ADAM11: variants seen among roughly 807,000 people sequenced by gnomAD.
ADAM11 encodes disintegrin and metalloproteinase domain-containing protein 11.
ADAM11 carries 49 observed loss-of-function variants against 119.1 expected under a neutral mutation model. That is an observed-to-expected ratio of 0.41 (90% CI 0.33 to 0.52). ADAM11 has a LOEUF of 0.52. Among genes scored for constraint, ADAM11 ranks in the 20% least tolerant of loss-of-function variants. The pLI is 0.20. For missense variants in ADAM11, 777 were observed against 1,047.5 expected, an observed-to-expected ratio of 0.74 and a Z score of 3.56; for synonymous variants, 364 against 408.0, an observed-to-expected ratio of 0.89 and a Z score of 1.30.
chr17:44,777,882 G>T lies in ADAM11; in HGVS notation c.2070+19G>T. ...CCACGGGGTGACTGCCTGGAGCCTGGGATGGCGGGAGAAGCTTACAAGAGG... is the reference window on the plus strand; with the variant it reads ...CCACGGGGTGACTGCCTGGAGCCTGTGATGGCGGGAGAAGCTTACAAGAGG... On this transcript the variant is annotated intron_variant, in intron 23 of 26. Coordinates refer to ENST00000200557, the MANE Select transcript of ADAM11 (RefSeq NM_002390.6). The surrounding 1 kb of genome is among the most constrained non-coding windows in gnomAD (Gnocchi z 5.1). The T allele has an allele frequency of 6.2e-7, 1 of 1,613,532 alleles. No individual in the cohort carries two copies.
At chr17:44,763,513 G>A (rs1238400707) in intron 2 of ADAM11, among the ~76,000 whole-genome samples, 1 of 152,238 alleles carries the variant, frequency 6.6e-6, no homozygotes, top group Non-Finnish European at 1.5e-5. Flanking sequence ...GCCCAGAGAA[G>A]TGAGGGAGCT....
rs2049580689 is a variant in ADAM11, at chr17:44,775,109, C to A, written c.1221-103C>A. 1.0e-6 allele frequency: 1 copy of A among 992,486 alleles called. No homozygotes were observed. Among genetic ancestry groups the A allele is most frequent in the Non-Finnish European group, 1.6e-6 (1 of 644,142 alleles). 61.5% of individuals were successfully genotyped at this position (992,486 alleles called of 1,614,324 possible). A position where few individuals can be genotyped will look rare whatever the true frequency, so the allele number is the denominator to read the frequency against. The stretch of plus-strand genomic sequence containing the variant: ...CCGGGGCAGATCCTCCGCCTCCTCG[C>A]GATGGTGACGAAGTCCCCCAGTGTA... On this transcript the variant is annotated intron_variant, in intron 14 of 26. Coordinates refer to ENST00000200557, the MANE Select transcript of ADAM11 (RefSeq NM_002390.6). The surrounding 1 kb of genome is among the most constrained non-coding windows in gnomAD (Gnocchi z 7.5).
At chr17:44,779,687 C>T (rs1354487602) in intron 26 of ADAM11, 52 bp from the exon 27 acceptor site, 1 of 1,563,662 alleles carries the variant, frequency 6.4e-7, no homozygotes, top group African/African-American at 1.4e-5. Flanking sequence ...CTGGGGGGCT[C>T]TCCCCGTGGC....
chr17:44,761,188 G>A (rs1224732540), intron 2 of ADAM11, among the ~76,000 whole-genome samples: 1 of 152,054 alleles, frequency 6.6e-6, no homozygotes, highest in African/African-American at 2.4e-5. Context: ...TTACACTGTG[G>A]GGGAACTGAT....
chr17:44,760,225 C>T (rs1182643066), intron 2 of ADAM11, among the ~76,000 whole-genome samples: 1 of 152,228 alleles, frequency 6.6e-6, no homozygotes, highest in Admixed American at 6.5e-5. Flanking sequence ...CAAAACAGGG[C>T]TTGGATGGGG....
rs1389396585 is a variant in ADAM11 at position 44,772,226 on chromosome 17, G to A, written c.544-41G>A. 2.5e-6 allele frequency: 4 copies of A among 1,571,084 alleles called. No individual in the cohort carries two copies. The highest frequency in any genetic ancestry group is 3.5e-6 in the Non-Finnish European group (4 of 1,151,636). On this transcript the variant is annotated intron_variant, in intron 6 of 26. Transcript: ENST00000200557. This position sits in a 1 kb window ranked among gnomAD's most constrained non-coding sequence, Gnocchi z 4.5. ...CCCCCGCCAAGTGGGCCTGGAGCAG[G>A]CCCAGTTGGCACCCCAAGAACTAAT...
chr17:44,760,766 G>T (rs1482321202), intron 2 of ADAM11, among the ~76,000 whole-genome samples: 2 of 152,096 alleles, frequency 1.3e-5, no homozygotes, highest in African/African-American at 4.8e-5. Flanking sequence ...GGTAAATTGG[G>T]CTGGGCAGAG....
At chr17:44,779,197 C>G (rs901888348) in intron 25 of ADAM11, 25 bp from the exon 26 acceptor site, 9 of 1,588,932 alleles carry the variant, frequency 5.7e-6, no homozygotes, top group African/African-American at 1.4e-5. Context: ...TTTTCCTCTC[C>G]CCTTCCACCA....
chr17:44,761,208 G>A (rs1235472836), intron 2 of ADAM11, among the ~76,000 whole-genome samples: 2 of 152,102 alleles, frequency 1.3e-5, no homozygotes, highest in South Asian at 2.1e-4. Flanking sequence ...TGGTCTGCCC[G>A]ACTGCTGGGA....
At position 44,777,422 on chromosome 17, in the gene ADAM11, A is replaced by G. The variant is rs1240712427; in HGVS notation, c.1782-60A>G. The G allele has an allele frequency of 1.9e-6, 3 of 1,580,684 alleles. No homozygotes were observed. In the African/African-American group the frequency reaches 4.0e-5, roughly 21 times the overall value. ...AGGGTGCAGGGTGAGGGCAGATTAGAGTTCAGTAGTTGAGTCTGAGGTCAA... is the reference window on the plus strand; with the variant it reads ...AGGGTGCAGGGTGAGGGCAGATTAGGGTTCAGTAGTTGAGTCTGAGGTCAA... On this transcript the variant is annotated intron_variant, in intron 21 of 26. Transcript: ENST00000200557. This position sits in a 1 kb window ranked among gnomAD's most constrained non-coding sequence, Gnocchi z 5.1.
At position 44,772,466 on chromosome 17, in the gene ADAM11, G is replaced by C; in HGVS notation, c.678G>C (p.Gln226His). 6.4e-7 allele frequency: 1 copy of C among 1,566,830 alleles called. No homozygotes were observed. Among genetic ancestry groups the C allele is most frequent in the Non-Finnish European group, 8.6e-7 (1 of 1,156,084 alleles). The stretch of plus-strand genomic sequence containing the variant: ...GGCCGAGGCTGAGAAGGAAAAGGCA[G>C]GTACGGGGGCCCGCACAGACCTCGG... ...PNRPRLRRKR[Q>H]VRRGHPTVHS... The change falls in exon 8 of 27, where the codon CAG becomes CAC. Residue 226 changes from glutamine to histidine, a missense_variant and splice_region_variant. By Grantham distance (24) the Gln-to-His change is conservative. Transcript: ENST00000200557. The surrounding 1 kb of genome is among the most constrained non-coding windows in gnomAD (Gnocchi z 4.5).
intron 5 of ADAM11, 36 bp from the exon 6 acceptor site, chr17:44,771,720 T>G: frequency 6.2e-7 from 1 of 1,612,362 alleles, no homozygotes; most frequent in Non-Finnish European, 8.5e-7. Context: ...GGCCCAGGCC[T>G]GGGGACGGAG....
In ADAM11 at chr17:44,769,754, G is replaced by A. The variant is rs767857248; in HGVS notation, c.274G>A (p.Ala92Thr). The A allele has an allele frequency of 1.2e-6, 2 of 1,614,098 alleles. No homozygotes were observed. The highest frequency in any genetic ancestry group is 1.7e-6 in the Non-Finnish European group (2 of 1,180,010). The change falls in exon 3 of 27, where the codon GCC (alanine) becomes ACC (threonine). Residue 92 changes from alanine to threonine, a missense_variant. Ala to Thr is a moderately conservative substitution (Grantham distance 58, BLOSUM62 0). Transcript: ENST00000200557. ...HLAQVSFVIPAFNSNFTLDLE... is the reference protein window; with the variant it reads ...HLAQVSFVIPTFNSNFTLDLE... Reference sequence around the variant, plus strand: ...GGCCCAGGTGAGTTTCGTCATCCCAGCCTTCAACTCAAACTTCACCCTGGA... The same window carrying A: ...GGCCCAGGTGAGTTTCGTCATCCCAACCTTCAACTCAAACTTCACCCTGGA...
In ADAM11 at chr17:44,765,610, CT is replaced by C. The variant is rs748123040; in HGVS notation, c.238-4085del. ...AATCCTGGTTTTTCTTTTCTTTTCT[CT>C]TTTTTTTTTTTTTTTTTTTTTTGTA... On this transcript the variant is annotated intron_variant, in intron 2 of 26. Coordinates refer to ENST00000200557, the MANE Select transcript of ADAM11 (RefSeq NM_002390.6). Among the ~76,000 whole-genome samples the C allele has an allele frequency of 2.0e-4, 20 of 99,866 alleles. No individual in the cohort carries two copies. In the East Asian group the frequency reaches 6.0e-3, roughly 30 times the overall value. The allele number at this position is 99,866 out of a possible 152,430, so 65.5% of individuals were successfully genotyped here. A position where few individuals can be genotyped will look rare whatever the true frequency, so the allele number is the denominator to read the frequency against.
At position 44,774,325 on chromosome 17, in the gene ADAM11, G is replaced by A. The variant is rs981643332; in HGVS notation, c.1023G>A (p.Gly341=). Residue 341 remains glycine (G), a synonymous_variant, in exon 12 of 27, where the codon GGG becomes GGA. Transcript: ENST00000200557. ...SGRTFQSTSS[G]AAYVGGICSL... ...GGACCTTCCAGAGCACGAGCAGCGG[G>A]GCAGCCTACGTGGGGGGCATATGCT... 5.4e-6 allele frequency: 8 copies of A among 1,475,372 alleles called. No homozygotes were observed. The highest frequency in any genetic ancestry group is 4.8e-5 in the Admixed American group (2 of 41,304). The allele number at this position is 1,475,372 out of a possible 1,614,324, so 91.4% of individuals were successfully genotyped here.
intron 2 of ADAM11, among the ~76,000 whole-genome samples, chr17:44,763,789 T>C (rs2049416792): frequency 1.3e-5 from 2 of 152,002 alleles, no homozygotes; most frequent in Non-Finnish European, 2.9e-5. Flanking sequence ...TGATCTCGGC[T>C]CACTGCAGCC....
At chr17:44,778,354 A>T (rs2049636556) in intron 25 of ADAM11, 112 bp downstream of exon 25, 1 of 1,098,050 alleles carries the variant, frequency 9.1e-7, no homozygotes, top group African/African-American at 1.6e-5. Context: ...CAGAGCTCAC[A>T]CGTCATAGGT....
chr17:44,759,960 C>T (rs1324885936), intron 2 of ADAM11, 63 bp downstream of exon 2: 2 of 1,242,698 alleles, frequency 1.6e-6, no homozygotes, highest in Non-Finnish European at 2.0e-6. Context: ...AGGAAGCCCA[C>T]GGGGTAACCA....
chr17:44,770,500 GCCCCC>G (rs2049509615), intron 4 of ADAM11, among the ~76,000 whole-genome samples: 1 of 20,898 alleles, frequency 4.8e-5, no homozygotes, highest in Admixed American at 9.9e-4. Flanking sequence ...CCCCCCCCCC[GCCCCC>G]ACTGCCTGTT....
Sources: gnomAD v4.1 joint callset for allele counts (sites outside exome capture counted in the v4.1 genomes callset) on GRCh38, gnomAD v4.1.1 for gene constraint, Gnocchi (gnomAD v3.1) non-coding constraint, MANE v1.5 for transcripts, NCBI Gene and HGNC (gene_info 2026-07-23, HGNC 2026-07-21) for gene names.